The following PON2 variants were observed in gnomAD, a reference collection of about 807,000 sequenced individuals.
PON2 encodes paraoxonase 2.
A neutral mutation model predicts 36.6 loss-of-function variants in PON2; 27 were observed. The ratio of observed to expected loss-of-function variants is 0.74; its 90% CI spans 0.54 to 1.02. The LOEUF (loss-of-function observed/expected upper bound fraction) is 1.02, where lower values mean the gene tolerates loss of function less well. Among genes scored for constraint, PON2 ranks in the 50% least tolerant of loss-of-function variants. PON2 has a pLI of 0.00. For synonymous variants in PON2, 149 were observed against 156.3 expected (o/e 0.95, Z 0.35); for missense variants, 363 against 421.1 (o/e 0.86, Z 1.21).
chr7:95,406,397 T>C, intron 7 of PON2, 150 bp from the exon 8 acceptor site: 1 of 848,264 alleles, frequency 1.2e-6, no homozygotes, highest in South Asian at 1.6e-5. Flanking sequence ...AAGGAATGTA[T>C]TAAAAACTGG....
chr7:95,421,298 G>A (rs1789186764), intron 2 of PON2, among the ~76,000 whole-genome samples: 1 of 152,256 alleles, frequency 6.6e-6, no homozygotes, highest in African/African-American at 2.4e-5. Context: ...AGTCTGTCAT[G>A]TAACATGGCT....
At chr7:95,405,543 AATC>A in intron 8 of PON2, 55 bp from the exon 9 acceptor site, 1 of 1,516,996 alleles carries the variant, frequency 6.6e-7, no homozygotes, top group Non-Finnish European at 9.1e-7. Flanking sequence ...CATGTCACTC[AATC>A]ATCAATAAGC....
intron 5 of PON2, among the ~76,000 whole-genome samples, 179 bp downstream of exon 5, chr7:95,411,474 C>T (rs1466190935): frequency 2.0e-5 from 3 of 152,010 alleles, no homozygotes; most frequent in Non-Finnish European, 2.9e-5. Flanking sequence ...CCATGCTTGC[C>T]CTGGTTTATA....
At chr7:95,420,957 G>T (rs569145677) in intron 2 of PON2, among the ~76,000 whole-genome samples, 1 of 152,072 alleles carries the variant, frequency 6.6e-6, no homozygotes, top group African/African-American at 2.4e-5. Flanking sequence ...CGTTCATATG[G>T]TGTGTGCTAA....
At chr7:95,406,314 C>A (rs1420541420) in intron 7 of PON2, 67 bp from the exon 8 acceptor site, 4 of 1,511,054 alleles carry the variant, frequency 2.6e-6, no homozygotes, top group Non-Finnish European at 2.7e-6. Context: ...TTAGAGGTAA[C>A]CTTCCTGCCT....
intron 3 of PON2, chr7:95,413,222 A>T (rs1324197007): frequency 1.3e-5 from 2 of 151,102 alleles, no homozygotes; most frequent in Non-Finnish European, 2.9e-5. Flanking sequence ...TGAGCGCAGG[A>T]GTTTAGGAGT....
rs1378685960 is a variant in PON2, at chr7:95,434,921, C to T, written c.31G>A (p.Gly11Arg). The T allele has an allele frequency of 6.5e-7, 1 of 1,538,246 alleles. No individual in the cohort carries two copies. The highest frequency in any genetic ancestry group is 2.0e-5 in the Admixed American group (1 of 50,750). The stretch of plus-strand genomic sequence containing the variant: ...TCGCCCAGGAGCGCCAGCGCGATCC[C>T]CAGCAAGCCCACAGCCACCAGCCGC... Reference protein sequence around the residue: MGRLVAVGLLGIALALLGERL... With the variant: MGRLVAVGLLRIALALLGERL... The change falls in exon 1 of 9, where the codon GGG becomes AGG. Residue 11 changes from glycine to arginine, a missense_variant. By Grantham distance (125) the Gly-to-Arg change is moderately radical. Coordinates refer to ENST00000222572, the MANE Select transcript of PON2 (RefSeq NM_000305.3).
intron 2 of PON2, 55 bp from the exon 3 acceptor site, chr7:95,416,352 CAG>C: frequency 1.3e-6 from 2 of 1,573,430 alleles, no homozygotes; most frequent in South Asian, 2.2e-5. Context: ...ATTTGTTACA[CAG>C]AGCATAACTG....
At chr7:95,406,379 T>C (rs1809694952) in intron 7 of PON2, 132 bp from the exon 8 acceptor site, 2 of 993,434 alleles carry the variant, frequency 2.0e-6, no homozygotes, top group Non-Finnish European at 3.1e-6. Flanking sequence ...AACACCAATA[T>C]TGCTTAAAAG....
intron 6 of PON2, among the ~76,000 whole-genome samples, chr7:95,408,130 T>G (rs1420904323): frequency 6.6e-6 from 1 of 152,164 alleles, no homozygotes; most frequent in Non-Finnish European, 1.5e-5. Context: ...CAACAAATGG[T>G]CAGTTCTGTT....
At chr7:95,425,258 G>A (rs772267526) in intron 1 of PON2, among the ~76,000 whole-genome samples, 1 of 152,160 alleles carries the variant, frequency 6.6e-6, no homozygotes, top group African/African-American at 2.4e-5. Context: ...GGAATAGGAA[G>A]GTTGGAGAAC....
rs756825310 is a variant in PON2, at chr7:95,406,231, G to A, written c.794C>T (p.Thr265Ile). Residue 265 changes from threonine to isoleucine, a missense_variant, in exon 8 of 9, where the codon ACA becomes ATA. Transcript: ENST00000222572. ...ATCAATAGATAAATTATCCACCAGT[G>A]TATCCAGCTCAAGTACCTTCCAAAT... The part of the protein sequence containing the change: ...LTQLKVLELD[T>I]LVDNLSIDPS... 1.6e-5 allele frequency: 25 copies of A among 1,611,086 alleles called. No homozygotes were observed. The Admixed American group carries it at 2.2e-4, about 14-fold the overall frequency.
intron 3 of PON2, among the ~76,000 whole-genome samples, chr7:95,414,447 TGGCTATAA>T (rs1225209983): frequency 1.3e-5 from 2 of 152,192 alleles, no homozygotes; most frequent in Admixed American, 6.5e-5. Flanking sequence ...TCTATTGATA[TGGCTATAA>T]GATCTTTGTA....
chr7:95,414,073 A>G (rs2116470041), intron 3 of PON2, among the ~76,000 whole-genome samples: 1 of 152,326 alleles, frequency 6.6e-6, no homozygotes, highest in East Asian at 1.9e-4. Flanking sequence ...TAAAATACAT[A>G]CAACATTCAT....
intron 1 of PON2, among the ~76,000 whole-genome samples, chr7:95,426,271 GA>G (rs1413120746): frequency 6.6e-6 from 1 of 151,228 alleles, no homozygotes; most frequent in African/African-American, 2.4e-5. Context: ...AACAGAGAGA[GA>G]AAAAAAAAGT....
intron 1 of PON2, among the ~76,000 whole-genome samples, chr7:95,432,704 T>G (rs1419863869): frequency 6.6e-6 from 1 of 152,172 alleles, no homozygotes. Flanking sequence ...ATCCAACTCA[T>G]GAATGTTCTG....
In PON2 at chr7:95,414,310, G is replaced by A. The variant is rs532913101; in HGVS notation, c.202-1833C>T. Among the ~76,000 whole-genome samples, 3 of 152,260 alleles carry A rather than the reference G, an allele frequency of 2.0e-5. No individual in the cohort carries two copies. The East Asian group carries it at 5.8e-4, about 29-fold the overall frequency. ...GTAGGACCTCTTTATTTAGAAGAGAGTACACTCTAGGTTTTATTAGAGACA... is the reference window on the plus strand; with the variant it reads ...GTAGGACCTCTTTATTTAGAAGAGAATACACTCTAGGTTTTATTAGAGACA... On this transcript the variant is annotated intron_variant, in intron 3 of 8. Transcript: ENST00000222572.
At position 95,412,489 on chromosome 7, in the gene PON2, G is replaced by A. The variant is rs1421176599; in HGVS notation, c.202-12C>T. The A allele has an allele frequency of 1.7e-5, 27 of 1,612,486 alleles. No homozygotes were observed. Among genetic ancestry groups the A allele is most frequent in the East Asian group, 2.2e-5 (1 of 44,886 alleles). On this transcript the variant is annotated splice_polypyrimidine_tract_variant and intron_variant, in intron 3 of 8. Transcript: ENST00000222572. Reference sequence around the variant, plus strand: ...GGGAATTTTAGACCCTTTCCAAAACGGTGAAAAATGTTAAATACAAAAGCT... The same window carrying A: ...GGGAATTTTAGACCCTTTCCAAAACAGTGAAAAATGTTAAATACAAAAGCT...
intron 4 of PON2, 109 bp from the exon 5 acceptor site, chr7:95,411,888 G>A: frequency 8.6e-7 from 1 of 1,156,198 alleles, no homozygotes; most frequent in African/African-American, 1.5e-5. Flanking sequence ...TGTATAAGCT[G>A]TTAGACGACC....
Sources: gnomAD v4.1 joint callset for allele counts (sites outside exome capture counted in the v4.1 genomes callset) on GRCh38, gnomAD v4.1.1 for gene constraint, MANE v1.5 for transcripts, NCBI Gene and HGNC (gene_info 2026-07-23, HGNC 2026-07-21) for gene names.